TNN: variants seen among roughly 807,000 people sequenced by gnomAD.
TNN encodes the protein tenascin N, also known as tenascin-N.
Under a neutral mutation model 134.4 loss-of-function variants are expected in TNN, and 122 were observed. The observed-to-expected ratio is 0.91, with a 90% confidence interval of 0.78 to 1.06. TNN has a LOEUF of 1.06. Ranked by LOEUF, TNN falls within the 50% of genes least tolerant of loss-of-function variation. TNN has a pLI of 0.00. For missense variants in TNN, 1,739 were observed against 1,699.4 expected (o/e 1.02, Z -0.41); for synonymous variants, 710 against 670.3 (o/e 1.06, Z -0.91).
chr1:175,114,094 T>A (rs189699966), intron 9 of TNN, among the ~76,000 whole-genome samples: 1 of 152,354 alleles, frequency 6.6e-6, no homozygotes, highest in Non-Finnish European at 1.5e-5. Flanking sequence ...GTTATTATGT[T>A]CCTTTGGTGG....
At chr1:175,100,401 T>G (rs1471550710) in intron 9 of TNN, among the ~76,000 whole-genome samples, 2 of 152,250 alleles carry the variant, frequency 1.3e-5, no homozygotes, top group African/African-American at 2.4e-5. Context: ...TGAAAACTGC[T>G]TATTCAAGGC....
rs777146238 is a variant in TNN, at chr1:175,146,904, A to G, written c.3760-27A>G. On this transcript the variant is annotated intron_variant, in intron 18 of 18. Coordinates refer to ENST00000239462, the MANE Select transcript of TNN (RefSeq NM_022093.2). ...CCCTCCTCCTAAGAGCCTCTTCTTGATGTGGCTTTTTTTTTTTTTTTGGTA... is the reference window on the plus strand; with the variant it reads ...CCCTCCTCCTAAGAGCCTCTTCTTGGTGTGGCTTTTTTTTTTTTTTTGGTA... 20 of 1,389,042 alleles carry G rather than the reference A, an allele frequency of 1.4e-5. 2 individuals carry two copies. In the Middle Eastern group the frequency reaches 3.1e-3, roughly 214 times the overall value. 86.0% of individuals were successfully genotyped at this position (1,389,042 alleles called of 1,614,324 possible).
chr1:175,135,057 C>T (rs1675762279), intron 15 of TNN, among the ~76,000 whole-genome samples: 1 of 152,152 alleles, frequency 6.6e-6, no homozygotes, highest in Admixed American at 6.5e-5. Flanking sequence ...CCCCAACATT[C>T]ACCCCCGTGC....
At chr1:175,095,274 G>A (rs1674542648) in intron 7 of TNN, among the ~76,000 whole-genome samples, 1 of 152,186 alleles carries the variant, frequency 6.6e-6, no homozygotes, top group Non-Finnish European at 1.5e-5. Flanking sequence ...GTCAAAGTCA[G>A]CAAATTTCTG....
intron 15 of TNN, among the ~76,000 whole-genome samples, chr1:175,135,498 G>A (rs1342450769): frequency 6.6e-6 from 1 of 152,208 alleles, no homozygotes; most frequent in Admixed American, 6.5e-5. Context: ...TTGAATGGGT[G>A]TTGAAAGTTA....
intron 12 of TNN, among the ~76,000 whole-genome samples, chr1:175,125,888 T>G (rs1675517477): frequency 7.7e-6 from 1 of 130,442 alleles, no homozygotes; most frequent in South Asian, 2.5e-4. Context: ...TTTCTTTTTT[T>G]CTTTCTTTCT....
chr1:175,083,866 A>G lies in TNN; in HGVS notation c.1165A>G (p.Thr389Ala), dbSNP rs1428888000. The G allele has an allele frequency of 6.2e-7, 1 of 1,614,204 alleles. No individual in the cohort carries two copies. The highest frequency in any genetic ancestry group is 1.7e-5 in the Admixed American group (1 of 60,024). ...DYYKLRYGPM[T>A]GQEVAEVTVP... ...CTACAAGCTGCGATATGGCCCCATG[A>G]CAGGACAGGAGGTAGCTGAGGTCAC... The change falls in exon 5 of 19, where the codon ACA becomes GCA. Residue 389 changes from threonine to alanine, a missense_variant. Physicochemically the swap from Thr to Ala is moderately conservative, Grantham distance 58 (BLOSUM62 0). Transcript: ENST00000239462.
At chr1:175,143,928 G>GGT (rs201546848) in intron 17 of TNN, among the ~76,000 whole-genome samples, 1 of 126,940 alleles carries the variant, frequency 7.9e-6, no homozygotes, top group East Asian at 3.3e-4. Flanking sequence ...GAGACATAGG[G>GGT]GTGTATGTGA....
In TNN at chr1:175,138,976, A is replaced by G. The variant is rs1264818339; in HGVS notation, c.3595+1988A>G. 2.0e-5 allele frequency among the ~76,000 whole-genome samples: 3 copies of G among 152,232 alleles called. 1 individual carries two copies. Among genetic ancestry groups the G allele is most frequent in the African/African-American group, 7.2e-5 (3 of 41,462 alleles). Reference sequence around the variant, plus strand: ...TGGATCTAAATATATGTAAACATAGAAAAGGCACAGTGAGAATATGGTATA... The same window carrying G: ...TGGATCTAAATATATGTAAACATAGGAAAGGCACAGTGAGAATATGGTATA... On this transcript the variant is annotated intron_variant, in intron 17 of 18. Transcript: ENST00000239462.
intron 6 of TNN, 145 bp from the exon 7 acceptor site, chr1:175,093,845 A>C (rs552614972): frequency 1.0e-4 from 76 of 754,994 alleles, no homozygotes; most frequent in South Asian, 5.2e-4. Flanking sequence ...CCAGTTGTCC[A>C]CTTGTCACTG....
intron 18 of TNN, among the ~76,000 whole-genome samples, chr1:175,145,552 C>CAAAAACAAAAAAAAA (rs1676042670): frequency 3.5e-5 from 1 of 28,910 alleles, no homozygotes; most frequent in Non-Finnish European, 6.0e-5. Flanking sequence ...GACCCTGTCT[C>CAAAAACAAAAAAAAA]AAAAAAAAAA....
chr1:175,093,243 C>T lies in TNN; in HGVS notation c.1325-747C>T, dbSNP rs139719674. Among the ~76,000 whole-genome samples, 393 of 152,268 alleles carry T rather than the reference C, an allele frequency of 2.6e-3. 3 individuals carry two copies. The highest frequency in any genetic ancestry group is 9.1e-3 in the African/African-American group (379 of 41,548). On this transcript the variant is annotated intron_variant, in intron 6 of 18. Transcript: ENST00000239462. The stretch of plus-strand genomic sequence containing the variant: ...TGTTGCTTGAACACATGAAGCAGGA[C>T]CTTGGGTTAGCAGGGACATGTGTCA...
Position 175,123,557 on chromosome 1 carries a change from C to T in TNN, c.2808C>T (p.Ser936=), listed in dbSNP as rs1224499900. 1.9e-6 allele frequency: 3 copies of T among 1,613,908 alleles called. No individual in the cohort carries two copies. Among genetic ancestry groups the T allele is most frequent in the South Asian group, 2.2e-5 (2 of 91,086 alleles). ...AGGTTCCGGTGGGGAAGGAGCACAGCAGCACTGTCCTGACGGGCCTGAGAC... is the reference window on the plus strand; with the variant it reads ...AGGTTCCGGTGGGGAAGGAGCACAGTAGCACTGTCCTGACGGGCCTGAGAC... The part of the protein sequence containing the change: ...TREVPVGKEH[S]STVLTGLRPG... Residue 936 remains serine (S), a synonymous_variant, in exon 12 of 19, where the codon AGC becomes AGT. Transcript: ENST00000239462.
chr1:175,128,383 T>A (rs376743271), intron 14 of TNN, among the ~76,000 whole-genome samples: 104 of 152,060 alleles, frequency 6.8e-4, no homozygotes, highest in African/African-American at 2.4e-3. Context: ...GGGAGCTGAG[T>A]TGGGGGAGGA....
chr1:175,123,889 C>T (rs971667750), intron 12 of TNN, among the ~76,000 whole-genome samples: 3 of 152,206 alleles, frequency 2.0e-5, no homozygotes, highest in Non-Finnish European at 1.5e-5. Context: ...TGGCCTCCCT[C>T]ACCCCTCCAC....
At chr1:175,128,855 C>T (rs10798335) in intron 15 of TNN, 109 bp downstream of exon 15, 735,684 of 1,207,024 alleles carry the variant, frequency 0.61, 228,984 homozygotes, top group Non-Finnish European at 0.64. Flanking sequence ...TCTTCTCCAC[C>T]CATGGAAGAG....
intron 17 of TNN, among the ~76,000 whole-genome samples, chr1:175,142,337 G>A (rs575918355): frequency 6.6e-6 from 1 of 152,246 alleles, no homozygotes; most frequent in South Asian, 2.1e-4. Flanking sequence ...TTTAACATAT[G>A]CTACCAACTC....
Position 175,083,803 on chromosome 1 carries a change from G to A in TNN, c.1102G>A (p.Asp368Asn), listed in dbSNP as rs1674256121. 1.2e-6 allele frequency: 2 copies of A among 1,614,212 alleles called. No individual in the cohort carries two copies. The highest frequency in any genetic ancestry group is 1.1e-5 in the South Asian group (1 of 91,080). Reference sequence around the variant, plus strand: ...GACAGATGAGACTGAGAACTCCCTTGACGTGGAGTGGGAAAACCCCTCAAC... The same window carrying A: ...GACAGATGAGACTGAGAACTCCCTTAACGTGGAGTGGGAAAACCCCTCAAC... ...WVTDETENSL[D>N]VEWENPSTEV... The change falls in exon 5 of 19, where the codon GAC becomes AAC. Residue 368 changes from aspartate (D) to asparagine (N), a missense_variant. Asp to Asn is a conservative substitution (Grantham distance 23). Coordinates refer to ENST00000239462, the MANE Select transcript of TNN (RefSeq NM_022093.2).
chr1:175,083,974 A>C, intron 5 of TNN, 39 bp downstream of exon 5: 1 of 1,600,226 alleles, frequency 6.2e-7, no homozygotes, highest in Non-Finnish European at 8.5e-7. Context: ...TATGCTGTGG[A>C]TGCAGAGGTG....
Sources: gnomAD v4.1 joint callset for allele counts (sites outside exome capture counted in the v4.1 genomes callset) on GRCh38, gnomAD v4.1.1 for gene constraint, MANE v1.5 for transcripts, NCBI Gene and HGNC (gene_info 2026-07-23, HGNC 2026-07-21) for gene names.